The following RPRD2 variants were observed in gnomAD, a reference collection of about 807,000 sequenced individuals.
The protein encoded by RPRD2 is regulation of nuclear pre-mRNA domain-containing protein 2.
In RPRD2, 12 loss-of-function variants were observed where a neutral mutation model predicts 104.4. The ratio of observed to expected loss-of-function variants is 0.11; its 90% CI spans 0.07 to 0.19. RPRD2 has a LOEUF of 0.19. Among genes scored for constraint, RPRD2 ranks in the 10% least tolerant of loss-of-function variants. RPRD2 has a pLI of 1.00. For synonymous variants in RPRD2, 714 were observed against 684.9 expected, an observed-to-expected ratio of 1.04 and a Z score of -0.66; for missense variants, 1,543 against 1,790.1, an observed-to-expected ratio of 0.86 and a Z score of 2.49.
intron 2 of RPRD2, among the ~76,000 whole-genome samples, chr1:150,438,021 C>T (rs1666130746): frequency 6.7e-6 from 1 of 149,174 alleles, no homozygotes; most frequent in African/African-American, 2.5e-5. Flanking sequence ...CCGTGGCTCA[C>T]GCCTGTAACC....
chr1:150,406,812 T>C (rs2102239168), intron 1 of RPRD2, among the ~76,000 whole-genome samples: 1 of 152,312 alleles, frequency 6.6e-6, no homozygotes, highest in East Asian at 1.9e-4. Flanking sequence ...TCTGCTGGGT[T>C]CAAGTGATTC....
intron 1 of RPRD2, among the ~76,000 whole-genome samples, chr1:150,402,679 C>T (rs1022322639): frequency 2.7e-5 from 4 of 148,794 alleles, no homozygotes; most frequent in Non-Finnish European, 3.0e-5. Flanking sequence ...TCAAGATCCC[C>T]GTTTCAGCCG....
At chr1:150,444,075 A>G (rs16836939) in intron 5 of RPRD2, among the ~76,000 whole-genome samples, 176 bp from the exon 6 acceptor site, 3,072 of 152,288 alleles carry the variant, frequency 0.02, 133 homozygotes, top group African/African-American at 0.071. Context: ...ATGATAATTG[A>G]TCATTAATAT....
intron 6 of RPRD2, among the ~76,000 whole-genome samples, chr1:150,445,579 G>A (rs1553895347): frequency 1.3e-5 from 2 of 152,172 alleles, no homozygotes; most frequent in African/African-American, 4.8e-5. Context: ...GCTTCATTCT[G>A]TTATTCCTAA....
intron 2 of RPRD2, among the ~76,000 whole-genome samples, chr1:150,432,763 A>G (rs1665696072): frequency 6.6e-6 from 1 of 152,012 alleles, no homozygotes; most frequent in African/African-American, 2.4e-5. Context: ...GGATTGCCTG[A>G]GCCAAGGAGT....
intron 8 of RPRD2, among the ~76,000 whole-genome samples, chr1:150,458,804 C>T (rs781972756): frequency 2.6e-5 from 4 of 152,072 alleles, no homozygotes; most frequent in Middle Eastern, 6.8e-3. Flanking sequence ...CCACCACACC[C>T]GGCTATTTTT....
chr1:150,370,212 C>T (rs1660197779), intron 1 of RPRD2, among the ~76,000 whole-genome samples: 1 of 152,140 alleles, frequency 6.6e-6, no homozygotes, highest in Non-Finnish European at 1.5e-5. Context: ...AGGCCCAGAC[C>T]TTCTTTCCCA....
At chr1:150,396,787 AACTAT>A (rs1180407589) in intron 1 of RPRD2, among the ~76,000 whole-genome samples, 1 of 152,124 alleles carries the variant, frequency 6.6e-6, no homozygotes, top group Non-Finnish European at 1.5e-5. Context: ...CCTGATTTCA[AACTAT>A]ACTCTAAGGT....
intron 1 of RPRD2, among the ~76,000 whole-genome samples, chr1:150,394,290 T>C (rs945195030): frequency 1.3e-5 from 2 of 152,110 alleles, no homozygotes; most frequent in Admixed American, 1.3e-4. Flanking sequence ...CCTCGGGTGA[T>C]CCGCCCGCCT....
intron 1 of RPRD2, among the ~76,000 whole-genome samples, chr1:150,384,232 C>G (rs1324849352): frequency 3.9e-5 from 6 of 151,900 alleles, no homozygotes; most frequent in African/African-American, 1.5e-4. Context: ...CTGGGAAAAT[C>G]CTAGTTGCAG....
intron 7 of RPRD2, among the ~76,000 whole-genome samples, chr1:150,450,379 G>A (rs1667071999): frequency 6.6e-6 from 1 of 151,716 alleles, no homozygotes; most frequent in African/African-American, 2.4e-5. Flanking sequence ...GGCCGAGGTG[G>A]GTGGATCACG....
At chr1:150,440,461 C>T (rs587698982) in intron 2 of RPRD2, among the ~76,000 whole-genome samples, 31 of 152,326 alleles carry the variant, frequency 2.0e-4, no homozygotes, top group Non-Finnish European at 1.5e-5. Context: ...CTCATTGTTA[C>T]TATGTATTCT....
chr1:150,467,072 T>C (rs587660032), intron 10 of RPRD2, among the ~76,000 whole-genome samples: 16 of 152,314 alleles, frequency 1.1e-4, no homozygotes, highest in African/African-American at 3.8e-4. Flanking sequence ...AAGAATTATC[T>C]AGCCCAAAGT....
At chr1:150,389,482 A>G (rs1387520050) in intron 1 of RPRD2, among the ~76,000 whole-genome samples, 1 of 152,182 alleles carries the variant, frequency 6.6e-6, no homozygotes, top group Non-Finnish European at 1.5e-5. Flanking sequence ...GAGGAAGACC[A>G]CAGAGGTAAA....
intron 9 of RPRD2, among the ~76,000 whole-genome samples, chr1:150,460,750 C>T (rs1470456100): frequency 8.5e-5 from 12 of 141,024 alleles, no homozygotes; most frequent in South Asian, 2.2e-4. Flanking sequence ...TTTTCTGAGA[C>T]GGAGTTTCAG....
chr1:150,466,205 C>T (rs754318777), intron 10 of RPRD2, among the ~76,000 whole-genome samples: 9 of 151,296 alleles, frequency 5.9e-5, no homozygotes, highest in African/African-American at 9.7e-5. Context: ...AGTGAAACCC[C>T]GACTCTACTA....
intron 8 of RPRD2, among the ~76,000 whole-genome samples, chr1:150,459,857 G>C (rs1051849459): frequency 3.3e-5 from 5 of 152,134 alleles, no homozygotes; most frequent in African/African-American, 1.2e-4. Context: ...GCTGGAAATT[G>C]CTTTTAAGCA....
intron 1 of RPRD2, among the ~76,000 whole-genome samples, chr1:150,380,580 T>A (rs1294981627): frequency 6.6e-6 from 1 of 152,106 alleles, no homozygotes; most frequent in Non-Finnish European, 1.5e-5. Context: ...ACTTCTGACC[T>A]CAGGTGATCC....
chr1:150,376,572 C>T (rs1479662914), intron 1 of RPRD2, among the ~76,000 whole-genome samples: 1 of 151,400 alleles, frequency 6.6e-6, no homozygotes, highest in African/African-American at 2.4e-5. Flanking sequence ...GCCATCTCGG[C>T]TCACTGCAAG....
Sources: allele counts gnomAD v4.1 joint callset (sites outside exome capture counted in the v4.1 genomes callset), GRCh38; gene constraint gnomAD v4.1.1; transcripts MANE v1.5; gene names NCBI Gene and HGNC (gene_info 2026-07-23, HGNC 2026-07-21).